Variants in NLRP4 observed in about 807,000 individuals in gnomAD.
NLRP4 encodes the protein NLR family pyrin domain containing 4, also known as NACHT, LRR and PYD domains-containing protein 4.
NLRP4 carries 44 observed loss-of-function variants against 84.7 expected under a neutral mutation model. The observed-to-expected ratio is 0.52, with a 90% CI of 0.41 to 0.67. The LOEUF is 0.67. NLRP4 is among the 30% of genes least tolerant of loss of function. NLRP4 has a pLI of 0.00. For missense variants in NLRP4, 1,260 were observed against 1,219.4 expected, an observed-to-expected ratio of 1.03 and a Z score of -0.50; for synonymous variants, 544 against 476.4, an observed-to-expected ratio of 1.14 and a Z score of -1.85.
rs753409109 is a variant in NLRP4, at chr19:55,878,976, T to C, written c.2867+12T>C. On this transcript the variant is annotated intron_variant, in intron 9 of 9. Transcript: ENST00000301295. ...CTGCAGGTGCTCGGGTGAGCTGGGG[T>C]CTGTTGTGCTCTATGGGCAGAGTGC... 19 of 1,604,926 alleles carry C rather than the reference T, an allele frequency of 1.2e-5. No homozygotes were observed. The highest frequency in any genetic ancestry group is 3.4e-5 in the Admixed American group (2 of 59,364).
intron 7 of NLRP4, among the ~76,000 whole-genome samples, chr19:55,876,608 C>T (rs776201618): frequency 6.6e-6 from 1 of 152,104 alleles, no homozygotes; most frequent in Non-Finnish European, 1.5e-5. Flanking sequence ...GGTGATCCAC[C>T]CACCTCAGCC....
chr19:55,862,020 A>C lies in NLRP4; in HGVS notation c.2047A>C (p.Ser683Arg), dbSNP rs2082448291. The C allele has an allele frequency of 6.2e-7, 1 of 1,613,878 alleles. No homozygotes were observed. Among genetic ancestry groups the C allele is most frequent in the African/African-American group, 1.3e-5 (1 of 75,026 alleles). ...AAATAACGTTTCCTTTTCTGGCCAG[A>C]GTGTTCTGCTCTTTGAGGTGCTCTT... ...GINNVSFSGQ[S>R]VLLFEVLFYQ... The change falls in exon 5 of 10, where the codon AGT becomes CGT. Residue 683 changes from serine to arginine, a missense_variant. Transcript: ENST00000301295.
intron 1 of NLRP4, among the ~76,000 whole-genome samples, chr19:55,845,392 T>C (rs1983756559): frequency 6.6e-6 from 1 of 151,786 alleles, no homozygotes; most frequent in African/African-American, 2.4e-5. Context: ...TTCCATGGTG[T>C]ATATGTGCCA....
intron 6 of NLRP4, among the ~76,000 whole-genome samples, chr19:55,869,313 G>A (rs1422986622): frequency 6.6e-6 from 1 of 151,522 alleles, no homozygotes; most frequent in South Asian, 2.1e-4. Context: ...GCAGTGAGCC[G>A]AGATCGCACC....
intron 2 of NLRP4, among the ~76,000 whole-genome samples, chr19:55,855,950 C>T (rs773982811): frequency 9.2e-5 from 14 of 152,142 alleles, no homozygotes; most frequent in Admixed American, 3.9e-4. Context: ...ATTCAGAAAT[C>T]GGGAAGCTCA....
rs1984548296 is a variant in NLRP4, at chr19:55,858,352, G to A, written c.959G>A (p.Arg320Lys). Residue 320 changes from arginine to lysine, a missense_variant, in exon 3 of 10, where the codon AGA becomes AAA. Transcript: ENST00000301295. This position sits in a 1 kb window ranked among gnomAD's most constrained non-coding sequence, Gnocchi z 4.2. The stretch of plus-strand genomic sequence containing the variant: ...TGCTGTTTCTTCAAAGACCCGAAAA[G>A]AGCCATGGAAGCCTTCAATCTTGTA... ...YFCCFFKDPK[R>K]AMEAFNLVRE... 6.2e-7 allele frequency: 1 copy of A among 1,614,192 alleles called. No homozygotes were observed. The highest frequency in any genetic ancestry group is 8.5e-7 in the Non-Finnish European group (1 of 1,180,032).
chr19:55,845,665 T>C (rs2123000212), intron 1 of NLRP4, among the ~76,000 whole-genome samples: 2 of 151,650 alleles, frequency 1.3e-5, no homozygotes, highest in African/African-American at 4.9e-5. Flanking sequence ...TGTTCCTATT[T>C]CTCCACATCC....
rs143383354 is a variant in NLRP4 at position 55,871,423 on chromosome 19, A to C, written c.2525+426A>C. Reference sequence around the variant, plus strand: ...ACGTGAGAATTAATGTGTGTAACAGAGAATGCTTTAGAAGAAGACAAAGGG... The same window carrying C: ...ACGTGAGAATTAATGTGTGTAACAGCGAATGCTTTAGAAGAAGACAAAGGG... On this transcript the variant is annotated intron_variant, in intron 7 of 9. Coordinates refer to ENST00000301295, the MANE Select transcript of NLRP4 (RefSeq NM_134444.5). 3.4e-5 allele frequency among the ~76,000 whole-genome samples: 5 copies of C among 148,310 alleles called. No homozygotes were observed. In the East Asian group the frequency reaches 5.8e-4, roughly 17 times the overall value.
intron 1 of NLRP4, among the ~76,000 whole-genome samples, chr19:55,841,057 A>G (rs1029266336): frequency 2.0e-5 from 3 of 152,182 alleles, no homozygotes; most frequent in Non-Finnish European, 4.4e-5. Context: ...ATACAGTGTG[A>G]TGTTTGGACA....
chr19:55,854,869 G>T, intron 2 of NLRP4, among the ~76,000 whole-genome samples: 1 of 152,178 alleles, frequency 6.6e-6, no homozygotes, highest in South Asian at 2.1e-4. Flanking sequence ...ATTATAAGGC[G>T]CTCACCACCA....
intron 2 of NLRP4, chr19:55,857,361 A>C (rs887779092): frequency 1.3e-5 from 4 of 318,682 alleles, no homozygotes; most frequent in African/African-American, 3.2e-5. Context: ...GTGTGTGTCT[A>C]TTGAAAGCAG....
At chr19:55,861,294 C>G in intron 3 of NLRP4, 92 bp from the exon 4 acceptor site, 1 of 1,067,708 alleles carries the variant, frequency 9.4e-7, no homozygotes, top group Non-Finnish European at 1.4e-6. Flanking sequence ...CAGACATCTT[C>G]TGTTTGAGAA....
Position 55,852,134 on chromosome 19 carries a change from C to T in NLRP4, c.54C>T (p.Leu18=), listed in dbSNP as rs1244617505. The T allele has an allele frequency of 6.2e-7, 1 of 1,606,634 alleles. No homozygotes were observed. Among genetic ancestry groups the T allele is most frequent in the Admixed American group, 1.7e-5 (1 of 58,210 alleles). ...GTCTTATGTGGTATCTGGAGGAGCT[C>T]AAAAAGGAGGAGTTCAGGAAATTTA... ...DFGLMWYLEE[L]KKEEFRKFKE... The change falls in exon 2 of 10, where the codon CTC becomes CTT. Residue 18 remains leucine, a synonymous_variant. Coordinates refer to ENST00000301295, the MANE Select transcript of NLRP4 (RefSeq NM_134444.5).
intron 7 of NLRP4, among the ~76,000 whole-genome samples, chr19:55,872,686 A>T (rs1278579492): frequency 6.6e-6 from 1 of 152,230 alleles, no homozygotes; most frequent in African/African-American, 2.4e-5. Flanking sequence ...GGTAAATCAT[A>T]GAAGAGGGTA....
chr19:55,847,659 A>G (rs1442785791), intron 1 of NLRP4, among the ~76,000 whole-genome samples: 1 of 151,838 alleles, frequency 6.6e-6, no homozygotes, highest in South Asian at 2.1e-4. Context: ...ACCAGTATTA[A>G]TAGATTATTA....
chr19:55,850,652 A>AGGCTGCGGTGTAATGTCCGT (rs1426273481), intron 1 of NLRP4, among the ~76,000 whole-genome samples: 94 of 51,634 alleles, frequency 1.8e-3, no homozygotes, highest in Middle Eastern at 0.016. Context: ...GTAATGTCCG[A>AGGCTGCGGTGTAATGTCCGT]GGCTGCGGTG....
chr19:55,856,697 G>A (rs966731897), intron 2 of NLRP4, among the ~76,000 whole-genome samples: 5 of 151,820 alleles, frequency 3.3e-5, no homozygotes, highest in African/African-American at 4.8e-5. Flanking sequence ...TGTATTTTTA[G>A]TAGAGACAGG....
chr19:55,850,914 G>A (rs1984097390), intron 1 of NLRP4, among the ~76,000 whole-genome samples: 1 of 83,828 alleles, frequency 1.2e-5, no homozygotes, highest in Non-Finnish European at 2.0e-5. Context: ...AATGTCCGAG[G>A]CTGCGGTGTA....
In NLRP4 at chr19:55,857,340, T is replaced by G. The variant is rs1984477995; in HGVS notation, c.281-334T>G. 6 of 379,440 alleles carry G rather than the reference T, an allele frequency of 1.6e-5. No individual in the cohort carries two copies. The South Asian group carries it at 4.6e-4, about 29-fold the overall frequency. The allele number at this position is 379,440 out of a possible 1,614,324, so 23.5% of individuals were successfully genotyped here. A position where few individuals can be genotyped will look rare whatever the true frequency, so the allele number is the denominator to read the frequency against. ...GTAGCAATGAATGTGTGTGTGTGTG[T>G]GTGTGTGTGTGTGTGTGTCTATTGA... On this transcript the variant is annotated intron_variant, in intron 2 of 9. Transcript: ENST00000301295.
Sources: allele counts gnomAD v4.1 joint callset (sites outside exome capture counted in the v4.1 genomes callset), GRCh38; gene constraint gnomAD v4.1.1; non-coding constraint Gnocchi (gnomAD v3.1); transcripts MANE v1.5; gene names NCBI Gene and HGNC (gene_info 2026-07-23, HGNC 2026-07-21).